PTK2: variants seen among roughly 807,000 people sequenced by gnomAD.
PTK2 encodes the protein protein tyrosine kinase 2.
A neutral mutation model predicts 150.1 loss-of-function variants in PTK2; 45 were observed. The observed-to-expected ratio is 0.30, with a 90% CI of 0.24 to 0.38. PTK2 has a LOEUF of 0.38. Among genes scored for constraint, PTK2 ranks in the 10% least tolerant of loss-of-function variants. The pLI is 1.00. For missense variants in PTK2, 919 were observed against 1,307.3 expected (o/e 0.70, Z 4.58); for synonymous variants, 432 against 449.2 (o/e 0.96, Z 0.48).
chr8:140,730,436 A>AC (rs1565232908), intron 22 of PTK2, among the ~76,000 whole-genome samples: 1 of 152,228 alleles, frequency 6.6e-6, no homozygotes, highest in Non-Finnish European at 1.5e-5. Flanking sequence ...ACTGACTGAT[A>AC]CCATTTACAT....
chr8:140,996,400 T>C lies in PTK2; in HGVS notation c.-122+4725A>G, dbSNP rs561196084. On this transcript the variant is annotated intron_variant, in intron 1 of 31. Transcript: ENST00000522684. ...ATCGAGAAGATCTAGCTAAGATCACTGATGAAGGTGGCTACACTAAACACA... is the reference window on the plus strand; with the variant it reads ...ATCGAGAAGATCTAGCTAAGATCACCGATGAAGGTGGCTACACTAAACACA... 2.0e-5 allele frequency among the ~76,000 whole-genome samples: 3 copies of C among 152,364 alleles called. No homozygotes were observed. The South Asian group carries it at 6.2e-4, about 32-fold the overall frequency.
intron 1 of PTK2, among the ~76,000 whole-genome samples, chr8:140,966,770 C>G (rs1393902111): frequency 2.0e-5 from 3 of 152,134 alleles, no homozygotes; most frequent in African/African-American, 4.8e-5. Context: ...TATTCCCTAC[C>G]CTTTGTGCAT....
chr8:140,913,115 G>A (rs920862932), intron 2 of PTK2, among the ~76,000 whole-genome samples: 3 of 152,110 alleles, frequency 2.0e-5, no homozygotes, highest in African/African-American at 7.2e-5. Context: ...CAAAGACATA[G>A]ATGAAGATAT....
chr8:140,841,846 A>C (rs923463205), intron 7 of PTK2, among the ~76,000 whole-genome samples: 1 of 152,114 alleles, frequency 6.6e-6, no homozygotes. Context: ...AACTAATATA[A>C]AGCAAGTTAT....
intron 17 of PTK2, among the ~76,000 whole-genome samples, chr8:140,749,035 G>GA (rs992106433): frequency 3.3e-5 from 5 of 152,178 alleles, no homozygotes; most frequent in Non-Finnish European, 5.9e-5. Context: ...CCCATTGTGA[G>GA]AAAAAACTGT....
chr8:140,702,908 A>G (rs898289928), intron 24 of PTK2, among the ~76,000 whole-genome samples: 1 of 152,208 alleles, frequency 6.6e-6, no homozygotes, highest in Admixed American at 6.5e-5. Flanking sequence ...TGTGGTTATA[A>G]GTCAAGGACC....
intron 14 of PTK2, among the ~76,000 whole-genome samples, chr8:140,786,144 A>T (rs1229859039): frequency 6.6e-6 from 1 of 152,180 alleles, no homozygotes; most frequent in African/African-American, 2.4e-5. Context: ...GTAAAACAGA[A>T]ATGTAAAACT....
chr8:140,679,768 T>C (rs546502091), intron 27 of PTK2, among the ~76,000 whole-genome samples: 9 of 152,206 alleles, frequency 5.9e-5, no homozygotes, highest in African/African-American at 1.4e-4. Flanking sequence ...CAGTTATTAA[T>C]GTTTACTAAC....
intron 29 of PTK2, 71 bp from the exon 33 acceptor site, chr8:140,669,806 T>C: frequency 6.9e-7 from 1 of 1,444,852 alleles, no homozygotes; most frequent in Non-Finnish European, 9.4e-7. Context: ...AAAAACAATA[T>C]TAATAAAGGC....
chr8:140,847,896 G>C (rs937884886), intron 5 of PTK2, among the ~76,000 whole-genome samples: 1 of 152,020 alleles, frequency 6.6e-6, no homozygotes, highest in Non-Finnish European at 1.5e-5. Context: ...ACCAATCTTT[G>C]TCTACTTCAT....
At chr8:140,734,710 A>T (rs1273710821) in intron 22 of PTK2, 1 of 517,076 alleles carries the variant, frequency 1.9e-6, no homozygotes, top group South Asian at 1.4e-5. Flanking sequence ...AAAGGTGGCA[A>T]AGGAGTAATT....
intron 12 of PTK2, among the ~76,000 whole-genome samples, chr8:140,793,602 C>A (rs932434343): frequency 6.6e-6 from 1 of 152,190 alleles, no homozygotes; most frequent in Non-Finnish European, 1.5e-5. Context: ...TTAAAGGGTA[C>A]TGCCTAATCA....
chr8:140,802,234 G>A (rs1262832737), intron 11 of PTK2, among the ~76,000 whole-genome samples: 3 of 152,086 alleles, frequency 2.0e-5, no homozygotes, highest in African/African-American at 7.2e-5. Flanking sequence ...GGTAGAAGAT[G>A]GTGATATGGA....
chr8:140,757,865 G>A (rs1385385262), intron 16 of PTK2, among the ~76,000 whole-genome samples: 1 of 152,166 alleles, frequency 6.6e-6, no homozygotes, highest in Non-Finnish European at 1.5e-5. Flanking sequence ...CTACTGCCTA[G>A]TGACATGACA....
intron 1 of PTK2, among the ~76,000 whole-genome samples, chr8:140,946,553 T>C (rs2100177759): frequency 1.3e-5 from 2 of 152,186 alleles, no homozygotes; most frequent in Non-Finnish European, 2.9e-5. Context: ...AACAGATTAT[T>C]TCCGTTGCTT....
intron 14 of PTK2, chr8:140,764,985 T>C (rs2100071557): frequency 6.6e-6 from 1 of 152,214 alleles, no homozygotes; most frequent in Non-Finnish European, 1.5e-5. Context: ...TTTTGGGTAA[T>C]ACACCAACTT....
intron 22 of PTK2, among the ~76,000 whole-genome samples, chr8:140,731,127 T>G (rs574425089): frequency 1.3e-3 from 196 of 152,102 alleles, no homozygotes; most frequent in Non-Finnish European, 2.4e-3. Flanking sequence ...GCCGGGCTAA[T>G]TTTTGTATTT....
At chr8:140,699,930 A>T (rs1487769437) in intron 26 of PTK2, among the ~76,000 whole-genome samples, 1 of 152,068 alleles carries the variant, frequency 6.6e-6, no homozygotes, top group Non-Finnish European at 1.5e-5. Flanking sequence ...CTCTATCCTC[A>T]TTTCCAAAAC....
At chr8:140,682,285 G>A (rs748388418) in intron 27 of PTK2, among the ~76,000 whole-genome samples, 1 of 152,124 alleles carries the variant, frequency 6.6e-6, no homozygotes, top group Non-Finnish European at 1.5e-5. Context: ...AGGAGGCTGA[G>A]GCACAAGAAT....
Sources: allele counts gnomAD v4.1 joint callset (sites outside exome capture counted in the v4.1 genomes callset), GRCh38; gene constraint gnomAD v4.1.1; transcripts MANE v1.5; gene names NCBI Gene and HGNC (gene_info 2026-07-23, HGNC 2026-07-21).